CACNA1E: variants seen among roughly 807,000 people sequenced by gnomAD.
CACNA1E encodes the protein calcium voltage-gated channel subunit alpha1 E.
In CACNA1E, 40 loss-of-function variants were observed where a neutral mutation model predicts 259.2. That is an observed-to-expected ratio of 0.15 (90% CI 0.12 to 0.20). CACNA1E has a LOEUF of 0.20. Ranked by LOEUF, CACNA1E falls within the 10% of genes least tolerant of loss-of-function variation. CACNA1E has a pLI of 1.00. For missense variants in CACNA1E, 1,874 were observed against 3,040.1 expected (o/e 0.62, Z 9.02); for synonymous variants, 1,104 against 1,138.5 (o/e 0.97, Z 0.61).
intron 1 of CACNA1E, among the ~76,000 whole-genome samples, chr1:181,499,326 C>T (rs1572026924): frequency 6.6e-6 from 1 of 152,306 alleles, no homozygotes; most frequent in East Asian, 1.9e-4. Context: ...ATAAAAAGAT[C>T]TTTAGATCCC....
At chr1:181,676,830 G>A (rs1306449683) in intron 7 of CACNA1E, among the ~76,000 whole-genome samples, 2 of 152,080 alleles carry the variant, frequency 1.3e-5, no homozygotes, top group Non-Finnish European at 2.9e-5. Flanking sequence ...AACCACTTAA[G>A]TAGTTAATAT....
At chr1:181,781,321 C>G in intron 38 of CACNA1E, 106 bp from the exon 39 acceptor site, 2 of 674,718 alleles carry the variant, frequency 3.0e-6, no homozygotes, top group Non-Finnish European at 5.5e-6. Context: ...TGCCTATTCT[C>G]CTCTCCTATC....
intron 2 of CACNA1E, among the ~76,000 whole-genome samples, chr1:181,461,032 T>C (rs1433376219): frequency 6.6e-6 from 1 of 152,176 alleles, no homozygotes; most frequent in African/African-American, 2.4e-5. Context: ...GGGGATTGAA[T>C]TGAGGTGGGT....
intron 1 of CACNA1E, among the ~76,000 whole-genome samples, chr1:181,355,537 G>A (rs570068956): frequency 5.9e-5 from 9 of 152,188 alleles, no homozygotes; most frequent in Non-Finnish European, 1.0e-4. Flanking sequence ...GCAGTGAGCC[G>A]AAATCGCACC....
chr1:181,320,058 G>GCA (rs1476791203), intron 1 of CACNA1E, among the ~76,000 whole-genome samples: 2 of 152,106 alleles, frequency 1.3e-5, no homozygotes, highest in African/African-American at 4.8e-5. Flanking sequence ...TATGAGTCTG[G>GCA]GACTCCCAGG....
intron 3 of CACNA1E, among the ~76,000 whole-genome samples, chr1:181,547,947 TA>T (rs1286819365): frequency 6.6e-6 from 1 of 152,158 alleles, no homozygotes; most frequent in Non-Finnish European, 1.5e-5. Context: ...ATCTACTTGT[TA>T]ATTCACTGGG....
intron 3 of CACNA1E, among the ~76,000 whole-genome samples, chr1:181,537,030 A>T (rs1668218979): frequency 6.6e-6 from 1 of 151,226 alleles, no homozygotes; most frequent in Non-Finnish European, 1.5e-5. Context: ...TTGTGGTGAC[A>T]TGCCTACATT....
chr1:181,521,348 A>G (rs556812630), intron 3 of CACNA1E, among the ~76,000 whole-genome samples: 12 of 152,324 alleles, frequency 7.9e-5, no homozygotes, highest in South Asian at 4.1e-4. Context: ...GGAGAGCTCA[A>G]TCTGAAATGG....
rs931141269 is a variant in CACNA1E at position 181,648,213 on chromosome 1, C to T, written c.952-3125C>T. ...AGAATCTTCATATTAGAATTGTGGA[C>T]GTTTTTTGATTAGTCGACCATCTAT... On this transcript the variant is annotated intron_variant, in intron 6 of 47. Transcript: ENST00000367573. Among the ~76,000 whole-genome samples the T allele has an allele frequency of 5.9e-5, 9 of 152,176 alleles. No homozygotes were observed. The South Asian group carries it at 6.2e-4, about 10-fold the overall frequency.
chr1:181,395,285 C>G (rs754653505), intron 1 of CACNA1E, among the ~76,000 whole-genome samples: 1 of 152,064 alleles, frequency 6.6e-6, no homozygotes, highest in Admixed American at 6.5e-5. Context: ...CTTGAGCAAC[C>G]AGAAGGACAG....
intron 6 of CACNA1E, among the ~76,000 whole-genome samples, chr1:181,582,893 A>G (rs953966236): frequency 2.0e-5 from 3 of 152,056 alleles, no homozygotes; most frequent in African/African-American, 7.2e-5. Flanking sequence ...GGAGGGGAGG[A>G]GATCAAGTTG....
rs756411176 is a variant in CACNA1E, at chr1:181,798,312, G to T, written c.6420G>T (p.Glu2140Asp). 1.4e-5 allele frequency: 23 copies of T among 1,598,344 alleles called. No homozygotes were observed. Among genetic ancestry groups the T allele is most frequent in the Non-Finnish European group, 2.0e-5 (23 of 1,173,314 alleles). ...PNRQGTGSLS[E>D]SSIPSVSDTS... ...TACAGGGCACAGGTTCCCTAAGTGA[G>T]AGCTCCATCCCCTCTGTCTCTGACA... The change falls in exon 48 of 48, where the codon GAG becomes GAT. Residue 2140 changes from glutamate (E) to aspartate (D), a missense_variant. By Grantham distance (45) the Glu-to-Asp change is conservative (BLOSUM62 2). Transcript: ENST00000367573. This position sits in a 1 kb window ranked among gnomAD's most constrained non-coding sequence, Gnocchi z 4.2.
At position 181,347,313 on chromosome 1, in the gene CACNA1E, C is replaced by G. The variant is rs76415996; in HGVS notation, c.-15+29190C>G. ...TCATGGAGGCAGAAAGTCCCAGGAA[C>G]CTTCCCAAGCTGAAGAGATACAAAG... On this transcript the variant is annotated intron_variant, in intron 1 of 11. Coordinates refer to the CACNA1E transcript ENST00000524607. Among the ~76,000 whole-genome samples, 264 of 152,312 alleles carry G rather than the reference C, an allele frequency of 1.7e-3. 2 individuals carry two copies. The highest frequency in any genetic ancestry group is 6.2e-3 in the African/African-American group (258 of 41,560).
chr1:181,384,086 G>A (rs761264587), intron 1 of CACNA1E, among the ~76,000 whole-genome samples: 84 of 152,278 alleles, frequency 5.5e-4, no homozygotes, highest in Non-Finnish European at 1.1e-3. Context: ...ACTGCCCTAC[G>A]TGGGTATGGC....
At chr1:181,663,540 A>G (rs756381220) in intron 7 of CACNA1E, among the ~76,000 whole-genome samples, 35 of 152,238 alleles carry the variant, frequency 2.3e-4, no homozygotes, top group Admixed American at 3.9e-4. Flanking sequence ...TGATGAATTG[A>G]AGGGAAACCG....
chr1:181,499,848 C>T (rs1665096333), intron 1 of CACNA1E, among the ~76,000 whole-genome samples: 1 of 152,210 alleles, frequency 6.6e-6, no homozygotes, highest in African/African-American at 2.4e-5. Context: ...AGTTACCTGA[C>T]TTCCTTCTGT....
chr1:181,467,817 C>G (rs550407194), intron 2 of CACNA1E, among the ~76,000 whole-genome samples: 1 of 152,154 alleles, frequency 6.6e-6, no homozygotes. Context: ...CACCAGGAGT[C>G]TCAACTGGGA....
At chr1:181,405,658 C>G (rs1194087975) in intron 1 of CACNA1E, among the ~76,000 whole-genome samples, 3 of 152,216 alleles carry the variant, frequency 2.0e-5, no homozygotes, top group Non-Finnish European at 4.4e-5. Context: ...CCTCTCTCCT[C>G]CCCTCACTCC....
chr1:181,768,034 T>A (rs189149397), intron 35 of CACNA1E, among the ~76,000 whole-genome samples: 1 of 152,372 alleles, frequency 6.6e-6, no homozygotes, highest in East Asian at 1.9e-4. Flanking sequence ...ATCAGGGTAA[T>A]TGGTTTATCC....
Sources: allele counts gnomAD v4.1 joint callset (sites outside exome capture counted in the v4.1 genomes callset), GRCh38; gene constraint gnomAD v4.1.1; non-coding constraint Gnocchi (gnomAD v3.1); transcripts MANE v1.5; gene names NCBI Gene and HGNC (gene_info 2026-07-23, HGNC 2026-07-21).